The following FAT2 variants were observed in gnomAD, a reference collection of about 807,000 sequenced individuals.
FAT2 encodes the protein FAT atypical cadherin 2.
In FAT2, 150 loss-of-function variants were observed where a neutral mutation model predicts 295.3. The observed-to-expected ratio is 0.51, with a 90% CI of 0.44 to 0.58. FAT2 has a LOEUF of 0.58. Ranked by LOEUF, FAT2 falls within the 20% of genes least tolerant of loss-of-function variation. The pLI, the probability that FAT2 is intolerant of heterozygous loss-of-function variation, is 0.00. For missense variants in FAT2, 4,868 were observed against 5,442.7 expected (o/e 0.89, Z 3.32); for synonymous variants, 2,026 against 2,150.3 (o/e 0.94, Z 1.60).
Position 151,545,569 on chromosome 5 carries a change from G to A in FAT2, c.5558C>T (p.Pro1853Leu), listed in dbSNP as rs1276105744. Residue 1853 changes from proline to leucine, a missense_variant, in exon 10 of 24, where the codon CCC becomes CTC. Transcript: ENST00000261800. ...HDQGSPVLFA[P>L]RPAQVIIHVR... ...ATGAATGATGACTTGGGCAGGTCTGGGTGCAAATAATACAGGGCTTCCTTG... is the reference window on the plus strand; with the variant it reads ...ATGAATGATGACTTGGGCAGGTCTGAGTGCAAATAATACAGGGCTTCCTTG... The A allele has an allele frequency of 6.2e-7, 1 of 1,614,082 alleles. No homozygotes were observed. The highest frequency in any genetic ancestry group is 1.1e-5 in the South Asian group (1 of 91,064).
intron 9 of FAT2, among the ~76,000 whole-genome samples, chr5:151,546,597 C>T (rs1756662169): frequency 1.3e-5 from 2 of 152,160 alleles, no homozygotes; most frequent in Non-Finnish European, 1.5e-5. Flanking sequence ...AAAGCTATAG[C>T]AGGTCTTTGA....
At chr5:151,518,561 T>C (rs996398586) in intron 19 of FAT2, among the ~76,000 whole-genome samples, 5 of 152,174 alleles carry the variant, frequency 3.3e-5, no homozygotes, top group African/African-American at 1.2e-4. Flanking sequence ...GTTCCTTGTA[T>C]GAGCAGGAGT....
intron 3 of FAT2, among the ~76,000 whole-genome samples, chr5:151,558,037 T>C (rs748299701): frequency 6.6e-6 from 1 of 152,340 alleles, no homozygotes; most frequent in East Asian, 1.9e-4. Context: ...CAGCCTCCTC[T>C]GCAAAAGGAG....
intron 1 of FAT2, among the ~76,000 whole-genome samples, chr5:151,574,189 T>C (rs1758653364): frequency 6.6e-6 from 1 of 152,202 alleles, no homozygotes; most frequent in East Asian, 1.9e-4. Context: ...TCTGGGAGGC[T>C]GAGACCTAAA....
At position 151,554,613 on chromosome 5, in the gene FAT2, T is replaced by C. The variant is rs1189977097; in HGVS notation, c.3694A>G (p.Ile1232Val). The change falls in exon 5 of 24, where the codon ATC (isoleucine) becomes GTC (valine). Residue 1232 changes from isoleucine (I) to valine (V), a missense_variant. Ile to Val is a conservative substitution (Grantham distance 29). Transcript: ENST00000261800. ...GGTGGATTGTCATTGACGTCCAAGA[T>C]GCCTACCACCACCCTGGAGGTGGAC... ...LKSTSRVVVGILDVNDNPPIF... is the reference protein window; with the variant it reads ...LKSTSRVVVGVLDVNDNPPIF... 6.2e-7 allele frequency: 1 copy of C among 1,614,120 alleles called. No individual in the cohort carries two copies. Among genetic ancestry groups the C allele is most frequent in the Non-Finnish European group, 8.5e-7 (1 of 1,180,014 alleles).
Position 151,567,966 on chromosome 5 carries a change from C to G in FAT2, c.966G>C (p.Trp322Cys). 6.2e-7 allele frequency: 1 copy of G among 1,614,218 alleles called. No homozygotes were observed. Among genetic ancestry groups the G allele is most frequent in the South Asian group, 1.1e-5 (1 of 91,086 alleles). ...FSLVSVKDIN[W>C]MEYLHGFNLS... The stretch of plus-strand genomic sequence containing the variant: ...GGTTGAACCCATGAAGGTACTCCAT[C>G]CAGTTGATGTCTTTGACAGACACCA... The change falls in exon 2 of 24, where the codon TGG (tryptophan) becomes TGC (cysteine). Residue 322 changes from tryptophan to cysteine, a missense_variant. By Grantham distance (215) the Trp-to-Cys change is radical. Around this residue, in one of 5 missense-constraint regions of FAT2, gnomAD observed 3,297 missense variants for 3,669.4 expected, o/e 0.90. Transcript: ENST00000261800.
chr5:151,553,416 G>T, intron 5 of FAT2, 29 bp from the exon 6 acceptor site: 1 of 1,604,512 alleles, frequency 6.2e-7, no homozygotes, highest in Non-Finnish European at 8.5e-7. Context: ...CAAAACTGAG[G>T]TTTGGGGCCA....
intron 1 of FAT2, among the ~76,000 whole-genome samples, chr5:151,579,782 A>G (rs189085935): frequency 1.1e-4 from 16 of 152,280 alleles, no homozygotes; most frequent in African/African-American, 2.4e-4. Context: ...CCCACCTCAG[A>G]TAGTGTTCTG....
intron 20 of FAT2, among the ~76,000 whole-genome samples, chr5:151,515,097 C>G (rs569308609): frequency 1.9e-4 from 29 of 152,246 alleles, no homozygotes; most frequent in Middle Eastern, 3.4e-3. Context: ...CCATTGGTGT[C>G]AGGGGATTCA....
In FAT2 at chr5:151,566,251, TC is replaced by T; in HGVS notation, c.2680del (p.Glu894ArgfsTer18). The stretch of plus-strand genomic sequence containing the variant: ...GCCTTTGCTGGGCTGATCCCTGGCC[TC>T]CACCTTGAGTATGTACCGAGGCTCT... ...ESEPRYILKV[E>X]ARDQPSKGHQ... On this transcript the variant is annotated frameshift_variant, in exon 2 of 24. Coordinates refer to ENST00000261800, the MANE Select transcript of FAT2 (RefSeq NM_001447.3). LOFTEE classifies it high-confidence loss of function. 1 of 1,614,134 alleles carries T rather than the reference TC, an allele frequency of 6.2e-7. No individual in the cohort carries two copies. Among genetic ancestry groups the T allele is most frequent in the Non-Finnish European group, 8.5e-7 (1 of 1,180,026 alleles).
intron 11 of FAT2, among the ~76,000 whole-genome samples, chr5:151,539,936 T>C (rs1755930936): frequency 6.6e-6 from 1 of 152,214 alleles, no homozygotes; most frequent in Admixed American, 6.5e-5. Context: ...AAGAAGGGCA[T>C]CTCAGTGGAC....
rs747648362 is a variant in FAT2, at chr5:151,551,450, C to A, written c.4296+17G>T. On this transcript the variant is annotated intron_variant, in intron 7 of 23. Transcript: ENST00000261800. ...CATCTCCTCTCAATACAGGGGTCCCCAGCCGAGGCCTCTAACCTGTGTGGC... is the reference window on the plus strand; with the variant it reads ...CATCTCCTCTCAATACAGGGGTCCCAAGCCGAGGCCTCTAACCTGTGTGGC... 2 of 1,612,680 alleles carry A rather than the reference C, an allele frequency of 1.2e-6. No individual in the cohort carries two copies. The highest frequency in any genetic ancestry group is 2.2e-5 in the East Asian group (1 of 44,876).
At chr5:151,554,289 C>T (rs2127629740) in intron 5 of FAT2, 73 bp downstream of exon 5, 1 of 1,407,778 alleles carries the variant, frequency 7.1e-7, no homozygotes. Flanking sequence ...TGTCTCCCTC[C>T]TCCTGAATTC....
Position 151,544,682 on chromosome 5 carries a change from C to G in FAT2, c.6445G>C (p.Gly2149Arg). ...TCCTCACTCTGGAGGGATGGCGTTC[C>G]TCCATCCCGAGCAATGACTTTGAGG... Reference protein sequence around the residue: ...YHLKVIARDGGTPSLQSEEEV... With the variant: ...YHLKVIARDGRTPSLQSEEEV... The change falls in exon 10 of 24, where the codon GGA becomes CGA. Residue 2149 changes from glycine to arginine, a missense_variant. Gly to Arg is a moderately radical substitution (Grantham distance 125). Coordinates refer to ENST00000261800, the MANE Select transcript of FAT2 (RefSeq NM_001447.3). 9 of 1,614,190 alleles carry G rather than the reference C, an allele frequency of 5.6e-6. No individual in the cohort carries two copies. Among genetic ancestry groups the G allele is most frequent in the Non-Finnish European group, 7.6e-6 (9 of 1,180,030 alleles).
intron 15 of FAT2, 53 bp from the exon 16 acceptor site, chr5:151,528,186 G>A (rs990913603): frequency 9.4e-6 from 15 of 1,598,370 alleles, no homozygotes; most frequent in Non-Finnish European, 8.6e-7. Flanking sequence ...TTGACCCCTG[G>A]GAGTACAGGG....
At chr5:151,519,287 T>G (rs1753196380) in intron 19 of FAT2, among the ~76,000 whole-genome samples, 1 of 152,220 alleles carries the variant, frequency 6.6e-6, no homozygotes. Context: ...GAAGTTGCAG[T>G]GAGCCAAGAT....
chr5:151,584,044 A>G (rs550562073), intron 1 of FAT2, among the ~76,000 whole-genome samples: 2 of 151,778 alleles, frequency 1.3e-5, no homozygotes, highest in East Asian at 1.9e-4. Flanking sequence ...AACACTAGTA[A>G]AGGACTTCAA....
rs2127631104 is a variant in FAT2, at chr5:151,554,544, G to A, written c.3763C>T (p.Leu1255=). The stretch of plus-strand genomic sequence containing the variant: ...ACAGGCCCAGGGGACACAGGGCTCA[G>A]CCTCTCTGGAAGGCGGACATTGAAG... ...KLFNVRLPER[L]SPVSPGPVYR... is the part of the protein sequence containing the mutation. Residue 1255 remains leucine (L), a synonymous_variant, in exon 5 of 24, where the codon CTG becomes TTG. Transcript: ENST00000261800. 1 of 1,614,184 alleles carries A rather than the reference G, an allele frequency of 6.2e-7. No individual in the cohort carries two copies. The highest frequency in any genetic ancestry group is 8.5e-7 in the Non-Finnish European group (1 of 1,180,036).
At chr5:151,510,546 C>A in intron 21 of FAT2, 1 of 169,556 alleles carries the variant, frequency 5.9e-6, no homozygotes, top group South Asian at 1.8e-4. Context: ...GGGACAGGTA[C>A]AAAGGGATGG....
Sources: gnomAD v4.1 joint callset for allele counts (sites outside exome capture counted in the v4.1 genomes callset) on GRCh38, gnomAD v4.1.1 for gene constraint, gnomAD v4.1.1 regional missense constraint, MANE v1.5 for transcripts, NCBI Gene and HGNC (gene_info 2026-07-23, HGNC 2026-07-21) for gene names.